PCDHA3: variants seen among roughly 807,000 people sequenced by gnomAD.
The protein encoded by PCDHA3 is protocadherin alpha 3.
PCDHA3 carries 41 observed loss-of-function variants against 62.2 expected under a neutral mutation model. That is an observed-to-expected ratio of 0.66 (90% confidence interval 0.51 to 0.86). PCDHA3 has a LOEUF of 0.86. PCDHA3 is among the 40% of genes least tolerant of loss of function. The pLI is 0.00. For synonymous variants in PCDHA3, 640 were observed against 555.4 expected (o/e 1.15, Z -2.14); for missense variants, 1,304 against 1,241.2 (o/e 1.05, Z -0.76).
At chr5:141,007,395 CAA>C (rs35800918) in intron 3 of PCDHA3, among the ~76,000 whole-genome samples, 1,140 of 94,858 alleles carry the variant, frequency 0.012, 9 homozygotes, top group South Asian at 0.036. Context: ...TACTAAAATA[CAA>C]AAAAAAAAAA....
chr5:140,980,259 G>T (rs1200649581), intron 2 of PCDHA3, among the ~76,000 whole-genome samples: 1 of 152,192 alleles, frequency 6.6e-6, no homozygotes. Flanking sequence ...TAAAAGCATG[G>T]TTTACAGTAC....
At chr5:140,835,695 A>G (rs2150242144) in intron 1 of PCDHA3, 2 of 1,613,712 alleles carry the variant, frequency 1.2e-6, no homozygotes, top group South Asian at 2.2e-5. Context: ...TCTGTGGGCC[A>G]CTGCTAGCGT....
rs782182425 is a variant in PCDHA3 at position 140,876,300 on chromosome 5, A to C, written c.2394+72709A>C. On this transcript the variant is annotated intron_variant, in intron 1 of 3. Coordinates refer to ENST00000522353, the MANE Select transcript of PCDHA3 (RefSeq NM_018906.3). ...ATCCAGACGAAGGACTTAATGGAGA[A>C]ATTTCCTATGGGATCAAAATGATTT... 2.1e-5 allele frequency: 34 copies of C among 1,613,966 alleles called. No individual in the cohort carries two copies. Among genetic ancestry groups the C allele is most frequent in the Non-Finnish European group, 2.9e-5 (34 of 1,179,910 alleles).
intron 1 of PCDHA3, chr5:140,875,600 C>T: frequency 6.2e-7 from 1 of 1,613,884 alleles, no homozygotes; most frequent in Non-Finnish European, 8.5e-7. Context: ...AAACACGGCA[C>T]CTTCGTGGGC....
At position 140,802,763 on chromosome 5, in the gene PCDHA3, G is replaced by T. The variant is rs146921578; in HGVS notation, c.1566G>T (p.Pro522=). The change falls in exon 1 of 4, where the codon CCG becomes CCT. Residue 522 remains proline (P), a synonymous_variant. Transcript: ENST00000522353. The stretch of plus-strand genomic sequence containing the variant: ...GCGGCAAGGTGTACGCGCTGCAGCC[G>T]CTGGACCACGAGGAGCTAGAGCTGC... ...AESGKVYALQ[P]LDHEELELLQ... is the part of the protein sequence containing the mutation. 3.1e-6 allele frequency: 5 copies of T among 1,612,770 alleles called. No individual in the cohort carries two copies. In the African/African-American group the frequency reaches 4.0e-5, roughly 13 times the overall value.
intron 1 of PCDHA3, among the ~76,000 whole-genome samples, chr5:140,940,100 C>T (rs536415343): frequency 6.6e-6 from 1 of 152,094 alleles, no homozygotes; most frequent in South Asian, 2.1e-4. Flanking sequence ...AAACTTTTAG[C>T]GTTATGTATT....
At chr5:140,823,457 C>T (rs1181395519) in intron 1 of PCDHA3, 4 of 1,613,302 alleles carry the variant, frequency 2.5e-6, no homozygotes, top group Non-Finnish European at 3.4e-6. Flanking sequence ...AACGACAACG[C>T]GCCGGCGCTG....
intron 1 of PCDHA3, among the ~76,000 whole-genome samples, chr5:140,937,385 T>G (rs1022137225): frequency 2.6e-5 from 4 of 152,170 alleles, no homozygotes; most frequent in Admixed American, 2.6e-4. Flanking sequence ...TGTGTGTATG[T>G]GTATATAGGG....
In PCDHA3 at chr5:140,801,882, A is replaced by G. The variant is rs782326685; in HGVS notation, c.685A>G (p.Lys229Glu). The change falls in exon 1 of 4, where the codon AAG becomes GAG. Residue 229 changes from lysine to glutamate, a missense_variant. Coordinates refer to ENST00000522353, the MANE Select transcript of PCDHA3 (RefSeq NM_018906.3). The part of the protein sequence containing the change: ...KPELTGTTQL[K>E]ITVLDVNDNA... ...AGAGCTCACTGGCACGACTCAACTA[A>G]AGATCACTGTTTTAGATGTAAACGA... The G allele has an allele frequency of 1.9e-6, 3 of 1,614,186 alleles. No homozygotes were observed. The highest frequency in any genetic ancestry group is 2.5e-6 in the Non-Finnish European group (3 of 1,180,050).
At chr5:140,969,994 CAGAG>C (rs1406079395) in intron 1 of PCDHA3, among the ~76,000 whole-genome samples, 2 of 152,032 alleles carry the variant, frequency 1.3e-5, no homozygotes, top group Non-Finnish European at 1.5e-5. Context: ...AGAGGGCTGT[CAGAG>C]GGAGTGGATG....
intron 1 of PCDHA3, chr5:140,817,315 G>A (rs1016861865): frequency 6.6e-6 from 1 of 152,230 alleles, no homozygotes; most frequent in East Asian, 1.9e-4. Flanking sequence ...CCCCAGAAAA[G>A]TGCCCAGCTA....
chr5:140,850,107 C>A lies in PCDHA3; in HGVS notation c.2394+46516C>A, dbSNP rs2150467518. ...GCTGCTACAGTTCCAGGTGAGCGCG[C>A]GCGACGCGGGCGTGCCGCCTCTGGG... On this transcript the variant is annotated intron_variant, in intron 1 of 3. Coordinates refer to ENST00000522353, the MANE Select transcript of PCDHA3 (RefSeq NM_018906.3). 6.9e-6 allele frequency: 11 copies of A among 1,596,052 alleles called. 2 individuals carry two copies. In the Admixed American group the frequency reaches 1.0e-4, roughly 15 times the overall value.
At chr5:140,863,631 G>A (rs2048100597) in intron 1 of PCDHA3, 1 of 306,834 alleles carries the variant, frequency 3.3e-6, no homozygotes, top group Non-Finnish European at 6.4e-6. Flanking sequence ...CATTGATAAT[G>A]TTCACCAAGT....
At chr5:140,983,142 CTTGGCATGCATG>C (rs1316699573) in intron 3 of PCDHA3, among the ~76,000 whole-genome samples, 4 of 152,212 alleles carry the variant, frequency 2.6e-5, no homozygotes, top group Admixed American at 6.5e-5. Flanking sequence ...CTTTTAGTGC[CTTGGCATGCATG>C]TTGCCAAACA....
intron 2 of PCDHA3, among the ~76,000 whole-genome samples, chr5:140,980,491 G>A (rs917181390): frequency 2.6e-5 from 4 of 152,132 alleles, no homozygotes; most frequent in Non-Finnish European, 5.9e-5. Flanking sequence ...TTAGCTGGGC[G>A]TGATGGCATG....
rs1430300644 is a variant in PCDHA3 at position 141,011,992 on chromosome 5, C to T, written c.*2055C>T. 6.5e-6 allele frequency: 1 copy of T among 153,658 alleles called. No individual in the cohort carries two copies. The highest frequency in any genetic ancestry group is 1.5e-5 in the Non-Finnish European group (1 of 68,022). 9.5% of individuals were successfully genotyped at this position (153,658 alleles called of 1,614,324 possible). ...TGTCTTGTCTACTTTTAGCTTCATTCTCCCATATTTTGAAGGGTGTGTAAC... is the reference window on the plus strand; with the variant it reads ...TGTCTTGTCTACTTTTAGCTTCATTTTCCCATATTTTGAAGGGTGTGTAAC... On this transcript the variant is annotated 3_prime_UTR_variant, in exon 4 of 4. Transcript: ENST00000522353.
In PCDHA3 at chr5:140,842,631, C is replaced by G; in HGVS notation, c.2394+39040C>G. 4 of 1,595,224 alleles carry G rather than the reference C, an allele frequency of 2.5e-6. 2 individuals are homozygous for G. The South Asian group carries it at 4.4e-5, about 18-fold the overall frequency. ...GACGGGGGCTCGCCTTCGCTGTGGG[C>G]CACCGCCAGCTTGTCTGTGGAGGTG... On this transcript the variant is annotated intron_variant, in intron 1 of 3. Transcript: ENST00000522353.
intron 1 of PCDHA3, chr5:140,810,453 T>C (rs934415076): frequency 6.6e-5 from 10 of 152,372 alleles, no homozygotes; most frequent in Admixed American, 1.3e-4. Flanking sequence ...TTCCTAGTAG[T>C]GCATAAGGCT....
At chr5:140,830,256 G>C (rs1770932829) in intron 1 of PCDHA3, 1 of 1,613,562 alleles carries the variant, frequency 6.2e-7, no homozygotes, top group African/African-American at 1.3e-5. Flanking sequence ...ACAGCGCTGC[G>C]GTGCTCGGCG....
Sources: allele counts gnomAD v4.1 joint callset (sites outside exome capture counted in the v4.1 genomes callset), GRCh38; gene constraint gnomAD v4.1.1; transcripts MANE v1.5; gene names NCBI Gene and HGNC (gene_info 2026-07-23, HGNC 2026-07-21).